PIK3C2A: variants seen among roughly 807,000 people sequenced by gnomAD.
PIK3C2A encodes the protein phosphatidylinositol 4-phosphate 3-kinase C2 domain-containing subunit alpha.
A neutral mutation model predicts 204.5 loss-of-function variants in PIK3C2A; 97 were observed. The observed-to-expected ratio is 0.47, with a 90% CI of 0.40 to 0.56. The LOEUF is 0.56. Among genes scored for constraint, PIK3C2A ranks in the 20% least tolerant of loss-of-function variants. The pLI, the probability that PIK3C2A is intolerant of heterozygous loss-of-function variation, is 0.00. For synonymous variants in PIK3C2A, 653 were observed against 664.4 expected (o/e 0.98, Z 0.26); for missense variants, 1,735 against 1,969.2 (o/e 0.88, Z 2.25).
intron 8 of PIK3C2A, among the ~76,000 whole-genome samples, chr11:17,139,475 C>G (rs1326833038): frequency 6.6e-6 from 1 of 152,134 alleles, no homozygotes; most frequent in Admixed American, 6.5e-5. Flanking sequence ...CTGCCCACCT[C>G]CACCTCCTAA....
At chr11:17,197,195 T>C (rs1852192408) in intron 1 of PIK3C2A, among the ~76,000 whole-genome samples, 1 of 152,062 alleles carries the variant, frequency 6.6e-6, no homozygotes, top group Admixed American at 6.6e-5. Flanking sequence ...TAATTTTTTA[T>C]TTTTAGTAGA....
rs1001162503 is a variant in PIK3C2A, at chr11:17,134,826, C to A, written c.2101G>T (p.Val701Leu). The A allele has an allele frequency of 3.7e-6, 6 of 1,611,692 alleles. No homozygotes were observed. The highest frequency in any genetic ancestry group is 1.6e-4 in the Middle Eastern group (1 of 6,082). The change falls in exon 11 of 33, where the codon GTA (valine) becomes TTA (leucine). Residue 701 changes from valine to leucine, a missense_variant. Val to Leu is a conservative substitution (Grantham distance 32). This residue lies in a region of PIK3C2A where 567 missense variants were observed against 576.0 expected (regional missense o/e 0.98). Transcript: ENST00000691414. ...FAAHGISSNW[V>L]SNYEKYYLIC... ...GCTTAAACAGTTACTTACTTTGATACCCAATTACTTGAAATTCCATGAGCA... is the reference window on the plus strand; with the variant it reads ...GCTTAAACAGTTACTTACTTTGATAACCAATTACTTGAAATTCCATGAGCA...
chr11:17,200,987 C>T (rs1217369567), intron 1 of PIK3C2A, among the ~76,000 whole-genome samples: 1 of 151,624 alleles, frequency 6.6e-6, no homozygotes, highest in Non-Finnish European at 1.5e-5. Flanking sequence ...GGGCGGATCA[C>T]TTCAGGTCAG....
At chr11:17,183,969 G>A (rs1307937125) in intron 1 of PIK3C2A, among the ~76,000 whole-genome samples, 1 of 151,418 alleles carries the variant, frequency 6.6e-6, no homozygotes, top group Non-Finnish European at 1.5e-5. Flanking sequence ...AGCCAGGCAT[G>A]GTGGCACATG....
intron 24 of PIK3C2A, 109 bp from the exon 25 acceptor site, chr11:17,101,543 G>A (rs190353224): frequency 4.3e-6 from 2 of 468,030 alleles, no homozygotes; most frequent in East Asian, 3.3e-5. Context: ...TTTCCAACTA[G>A]GAAACTTAAT....
chr11:17,098,044 AAAG>A (rs1215089858), intron 26 of PIK3C2A, among the ~76,000 whole-genome samples: 1 of 152,242 alleles, frequency 6.6e-6, no homozygotes, highest in Non-Finnish European at 1.5e-5. Flanking sequence ...TCAGTTGGAA[AAAG>A]AAGTTTTGAC....
At chr11:17,138,531 T>G (rs1359344651) in intron 8 of PIK3C2A, among the ~76,000 whole-genome samples, 1 of 152,148 alleles carries the variant, frequency 6.6e-6, no homozygotes, top group Non-Finnish European at 1.5e-5. Flanking sequence ...GGGGAGAGAC[T>G]TTATCACAGT....
chr11:17,094,428 A>T (rs889563336), intron 27 of PIK3C2A, 43 bp from the exon 28 acceptor site: 3 of 1,560,690 alleles, frequency 1.9e-6, no homozygotes, highest in African/African-American at 2.7e-5. Flanking sequence ...TTTATATTTA[A>T]AACCTTCTTT....
intron 1 of PIK3C2A, chr11:17,193,863 A>AGGAGGGGAGGGGAGGGGAGGGGAGGGG (rs1304719084): frequency 2.3e-5 from 2 of 88,378 alleles, no homozygotes; most frequent in African/African-American, 1.4e-4. Context: ...AAAAGAAAAG[A>AGGAGGGGAGGGGAGGGGAGGGGAGGGG]AAAGAAAAGA....
At chr11:17,143,232 C>T (rs1850122811) in intron 8 of PIK3C2A, among the ~76,000 whole-genome samples, 1 of 152,040 alleles carries the variant, frequency 6.6e-6, no homozygotes, top group Non-Finnish European at 1.5e-5. Flanking sequence ...ATACTCTTTC[C>T]CCTTCACTCA....
In PIK3C2A at chr11:17,092,043, T is replaced by C; in HGVS notation, c.4595A>G (p.His1532Arg). Residue 1532 changes from histidine (H) to arginine (R), a missense_variant, in exon 30 of 33, where the codon CAC (histidine) becomes CGC (arginine). By Grantham distance (29) the His-to-Arg change is conservative. Coordinates refer to ENST00000691414, the MANE Select transcript of PIK3C2A (RefSeq NM_002645.4). ...AECDLVCTFFHPLLRDEKAEG... is the reference protein window; with the variant it reads ...AECDLVCTFFRPLLRDEKAEG... ...AGCTTTCTCATCACGAAGTAAAGGG[T>C]GGAAGAAAGTACAAACAAGATCACA... 5 of 1,610,766 alleles carry C rather than the reference T, an allele frequency of 3.1e-6. No individual in the cohort carries two copies. The highest frequency in any genetic ancestry group is 1.1e-5 in the South Asian group (1 of 90,998).
At chr11:17,112,719 A>AT (rs1377978339) in intron 20 of PIK3C2A, 53 bp from the exon 21 acceptor site, 284 of 912,412 alleles carry the variant, frequency 3.1e-4, no homozygotes, top group South Asian at 4.5e-4. Flanking sequence ...TGGATTTAGA[A>AT]TTTTTTTTTG....
Position 17,117,486 on chromosome 11 carries a change from C to G in PIK3C2A, c.3216+5G>C. On this transcript the variant is annotated splice_donor_5th_base_variant and intron_variant, in intron 19 of 32. Coordinates refer to ENST00000691414, the MANE Select transcript of PIK3C2A (RefSeq NM_002645.4). Reference sequence around the variant, plus strand: ...ACATTTATATTACCTTTTATGGGTACATACCTGTCTGGCTGATCCACTAGC... The same window carrying G: ...ACATTTATATTACCTTTTATGGGTAGATACCTGTCTGGCTGATCCACTAGC... 6.3e-7 allele frequency: 1 copy of G among 1,598,306 alleles called. No homozygotes were observed. Among genetic ancestry groups the G allele is most frequent in the Non-Finnish European group, 8.6e-7 (1 of 1,166,546 alleles).
At chr11:17,197,938 G>A (rs892941105) in intron 1 of PIK3C2A, among the ~76,000 whole-genome samples, 1 of 152,056 alleles carries the variant, frequency 6.6e-6, no homozygotes, top group African/African-American at 2.4e-5. Context: ...AAACTGACAT[G>A]ACTACTTCTG....
At chr11:17,205,398 C>T (rs1030142312) in intron 1 of PIK3C2A, among the ~76,000 whole-genome samples, 2 of 147,800 alleles carry the variant, frequency 1.4e-5, no homozygotes, top group Non-Finnish European at 3.0e-5. Flanking sequence ...CACTTGAACC[C>T]GGCAGGTGGA....
At chr11:17,104,964 G>T (rs185944954) in intron 23 of PIK3C2A, among the ~76,000 whole-genome samples, 9 of 152,058 alleles carry the variant, frequency 5.9e-5, no homozygotes, top group Non-Finnish European at 1.2e-4. Context: ...ATTTTTGGGG[G>T]TGTAATTTAG....
intron 1 of PIK3C2A, among the ~76,000 whole-genome samples, chr11:17,201,529 A>T (rs1256050798): frequency 1.2e-5 from 1 of 82,082 alleles, no homozygotes; most frequent in Non-Finnish European, 2.3e-5. Flanking sequence ...CCGTCTCAAA[A>T]AAAAAAAAAA....
At chr11:17,095,832 T>C (rs1357700090) in intron 27 of PIK3C2A, among the ~76,000 whole-genome samples, 2 of 149,700 alleles carry the variant, frequency 1.3e-5, no homozygotes, top group Non-Finnish European at 3.0e-5. Context: ...GCATGAGAAT[T>C]GCTTGAACCT....
intron 28 of PIK3C2A, among the ~76,000 whole-genome samples, chr11:17,092,835 G>A (rs996212110): frequency 2.0e-5 from 3 of 152,022 alleles, no homozygotes; most frequent in African/African-American, 7.2e-5. Flanking sequence ...GACATTAAAA[G>A]TAATGGCAAA....
Sources: gnomAD v4.1 joint callset for allele counts (sites outside exome capture counted in the v4.1 genomes callset) on GRCh38, gnomAD v4.1.1 for gene constraint, gnomAD v4.1.1 regional missense constraint, MANE v1.5 for transcripts, NCBI Gene and HGNC (gene_info 2026-07-23, HGNC 2026-07-21) for gene names.